The following UBQLN1 variants were observed in gnomAD, a reference collection of about 807,000 sequenced individuals.
UBQLN1 encodes ubiquilin-1.
In UBQLN1, 13 loss-of-function variants were observed where a neutral mutation model predicts 65.4. The observed-to-expected ratio is 0.20, with a 90% confidence interval of 0.13 to 0.32. UBQLN1 has a LOEUF of 0.32. UBQLN1 is among the 10% of genes least tolerant of loss of function. UBQLN1 has a pLI of 1.00. For missense variants in UBQLN1, 561 were observed against 724.0 expected (o/e 0.77, Z 2.58); for synonymous variants, 267 against 247.8 (o/e 1.08, Z -0.73).
intron 3 of UBQLN1, among the ~76,000 whole-genome samples, chr9:83,680,890 C>G (rs1564165812): frequency 1.3e-5 from 2 of 152,146 alleles, no homozygotes; most frequent in African/African-American, 4.8e-5. Flanking sequence ...AGGACTGAGT[C>G]TGCTAACTTG....
At position 83,665,068 on chromosome 9, in the gene UBQLN1, T is replaced by C. The variant is rs766680761; in HGVS notation, c.1410A>G (p.Leu470=). 3.7e-6 allele frequency: 6 copies of C among 1,613,980 alleles called. No homozygotes were observed. The Admixed American group carries it at 6.7e-5, about 18-fold the overall frequency. The change falls in exon 9 of 11, where the codon TTA becomes TTG. Residue 470 remains leucine, a synonymous_variant. Coordinates refer to ENST00000376395, the MANE Select transcript of UBQLN1 (RefSeq NM_013438.5). Reference sequence around the variant, plus strand: ...CCGGGGCTTCCGTTGCTAATGTCTGTAAACCCTGCTGAATCTGTAACAAGG... The same window carrying C: ...CCGGGGCTTCCGTTGCTAATGTCTGCAAACCCTGCTGAATCTGTAACAAGG... ...MQALLQIQQG[L]QTLATEAPGL...
At chr9:83,682,177 C>T (rs886969908) in intron 3 of UBQLN1, among the ~76,000 whole-genome samples, 14 of 152,050 alleles carry the variant, frequency 9.2e-5, no homozygotes, top group East Asian at 1.9e-4. Context: ...CCCAGCTACT[C>T]GGGAGGCTGA....
At chr9:83,676,950 G>A (rs1393001709) in intron 6 of UBQLN1, among the ~76,000 whole-genome samples, 1 of 152,162 alleles carries the variant, frequency 6.6e-6, no homozygotes, top group Non-Finnish European at 1.5e-5. Flanking sequence ...ACAGAAAAGT[G>A]GACAAAAGTA....
intron 4 of UBQLN1, 24 bp from the exon 5 acceptor site, chr9:83,678,623 AG>A: frequency 6.3e-7 from 1 of 1,583,914 alleles, no homozygotes; most frequent in Non-Finnish European, 8.5e-7. Context: ...TTCCAAAAAA[AG>A]AAAAAAAAAA....
intron 1 of UBQLN1, among the ~76,000 whole-genome samples, chr9:83,689,788 C>A (rs1441271313): frequency 6.6e-6 from 1 of 152,154 alleles, no homozygotes; most frequent in African/African-American, 2.4e-5. Context: ...ACACAACCAG[C>A]ACAGCTCAAA....
chr9:83,678,883 A>G (rs574284217), intron 4 of UBQLN1, among the ~76,000 whole-genome samples: 1 of 152,102 alleles, frequency 6.6e-6, no homozygotes, highest in Admixed American at 6.5e-5. Flanking sequence ...ACGCCCCGCT[A>G]ATTTTTTTTT....
At chr9:83,663,473 A>G (rs1020113976) in intron 10 of UBQLN1, among the ~76,000 whole-genome samples, 1 of 152,186 alleles carries the variant, frequency 6.6e-6, no homozygotes, top group South Asian at 2.1e-4. Context: ...ACTTTTTTCC[A>G]GTCAAAAGAC....
chr9:83,705,420 T>C (rs1832384870), intron 1 of UBQLN1, among the ~76,000 whole-genome samples: 1 of 152,160 alleles, frequency 6.6e-6, no homozygotes, highest in African/African-American at 2.4e-5. Flanking sequence ...CAGCTAAGTT[T>C]TGTATTTTTA....
intron 1 of UBQLN1, among the ~76,000 whole-genome samples, chr9:83,693,079 C>A (rs1832155067): frequency 6.6e-6 from 1 of 152,194 alleles, no homozygotes; most frequent in Non-Finnish European, 1.5e-5. Context: ...TGGTCTTGCA[C>A]TGATAACCTA....
Position 83,663,962 on chromosome 9 carries a change from G to C in UBQLN1, c.1530C>G (p.Asn510Lys). 1 of 1,614,162 alleles carries C rather than the reference G, an allele frequency of 6.2e-7. No individual in the cohort carries two copies. The highest frequency in any genetic ancestry group is 8.5e-7 in the Non-Finnish European group (1 of 1,180,002). Reference protein sequence around the residue: ...TNGSNATPSENTSPTAGTTEP... With the variant: ...TNGSNATPSEKTSPTAGTTEP... ...CAGTGGTTCCTGCTGTGGGACTTGT[G>C]TTTTCACTAGGTGTGGCGTTAGATC... Residue 510 changes from asparagine to lysine, a missense_variant, in exon 10 of 11, where the codon AAC (asparagine) becomes AAG (lysine). Asn to Lys is a moderately conservative substitution (Grantham distance 94, BLOSUM62 0). This residue lies in a region of UBQLN1 where 68 missense variants were observed against 62.2 expected (regional missense o/e 1.09). Transcript: ENST00000376395.
At chr9:83,687,320 T>C (rs933424753) in intron 1 of UBQLN1, among the ~76,000 whole-genome samples, 4 of 152,242 alleles carry the variant, frequency 2.6e-5, no homozygotes, top group African/African-American at 9.6e-5. Context: ...CACTTACTTA[T>C]ACTATTCTCA....
At position 83,677,973 on chromosome 9, in the gene UBQLN1, G is replaced by A. The variant is rs1351849388; in HGVS notation, c.871-12C>T. On this transcript the variant is annotated splice_polypyrimidine_tract_variant and intron_variant, in intron 5 of 10. Coordinates refer to ENST00000376395, the MANE Select transcript of UBQLN1 (RefSeq NM_013438.5). ...GGATTACCACCAAACTGTAATAAAA[G>A]ACATAAAAAATCACAAAGAATAAGC... is the stretch of plus-strand genomic sequence containing the variant. 1.3e-6 allele frequency: 2 copies of A among 1,516,918 alleles called. No homozygotes were observed. Among genetic ancestry groups the A allele is most frequent in the African/African-American group, 1.4e-5 (1 of 71,812 alleles). 94.0% of individuals were successfully genotyped at this position (1,516,918 alleles called of 1,614,324 possible).
intron 6 of UBQLN1, among the ~76,000 whole-genome samples, chr9:83,677,147 G>A (rs1831847350): frequency 6.6e-6 from 1 of 152,170 alleles, no homozygotes; most frequent in Non-Finnish European, 1.5e-5. Context: ...ACAATCTACT[G>A]ATCTAAAATA....
At chr9:83,683,457 T>A (rs1831984373) in intron 2 of UBQLN1, among the ~76,000 whole-genome samples, 2 of 141,682 alleles carry the variant, frequency 1.4e-5, no homozygotes, top group African/African-American at 5.2e-5. Context: ...AATCCTGACA[T>A]CTAGAAATAA....
chr9:83,678,039 T>C (rs1831870530), intron 5 of UBQLN1, 78 bp from the exon 6 acceptor site: 1 of 1,136,288 alleles, frequency 8.8e-7, no homozygotes, highest in African/African-American at 1.6e-5. Context: ...TTTTTTTTTT[T>C]GAGACGGAGT....
chr9:83,669,464 G>A (rs1199460424), intron 6 of UBQLN1, 137 bp from the exon 7 acceptor site: 5 of 814,476 alleles, frequency 6.1e-6, no homozygotes, highest in Admixed American at 3.7e-5. Flanking sequence ...ACTGAACTAC[G>A]AAAGAACTTT....
intron 7 of UBQLN1, chr9:83,667,684 G>A (rs1831663595): frequency 1.0e-6 from 1 of 985,112 alleles, no homozygotes; most frequent in Non-Finnish European, 1.2e-6. Flanking sequence ...TCTTAAAAAA[G>A]CATGTCATCT....
chr9:83,679,319 A>T (rs1438150109), intron 4 of UBQLN1, among the ~76,000 whole-genome samples: 1 of 152,224 alleles, frequency 6.6e-6, no homozygotes, highest in East Asian at 1.9e-4. Flanking sequence ...TCAGCTCATG[A>T]GAACACTCTA....
chr9:83,662,948 C>T (rs928882112), intron 10 of UBQLN1, among the ~76,000 whole-genome samples: 1 of 151,994 alleles, frequency 6.6e-6, no homozygotes, highest in Non-Finnish European at 1.5e-5. Context: ...TGGTGGTCTG[C>T]GCCTGTAATC....
Sources: gnomAD v4.1 joint callset for allele counts (sites outside exome capture counted in the v4.1 genomes callset) on GRCh38, gnomAD v4.1.1 for gene constraint, gnomAD v4.1.1 regional missense constraint, MANE v1.5 for transcripts, NCBI Gene and HGNC (gene_info 2026-07-23, HGNC 2026-07-21) for gene names.